PGGT1B: variants seen among roughly 807,000 people sequenced by gnomAD.
PGGT1B encodes protein geranylgeranyltransferase type I subunit beta, also known as geranylgeranyl transferase type-1 subunit beta.
A neutral mutation model predicts 46.1 loss-of-function variants in PGGT1B; 30 were observed. The ratio of observed to expected loss-of-function variants is 0.65; its 90% CI spans 0.49 to 0.88. The LOEUF (loss-of-function observed/expected upper bound fraction) is 0.88, where lower values mean the gene tolerates loss of function less well. Among genes scored for constraint, PGGT1B ranks in the 40% least tolerant of loss-of-function variants. The pLI, the probability that PGGT1B is intolerant of heterozygous loss-of-function variation, is 0.00. For synonymous variants in PGGT1B, 170 were observed against 160.0 expected (o/e 1.06, Z -0.47); for missense variants, 376 against 455.9 (o/e 0.82, Z 1.60).
At chr5:115,224,745 G>A (rs1017341106) in intron 6 of PGGT1B, among the ~76,000 whole-genome samples, 1 of 151,146 alleles carries the variant, frequency 6.6e-6, no homozygotes, top group Non-Finnish European at 1.5e-5. Flanking sequence ...ATGGTGGTGT[G>A]CACCTGTGGT....
chr5:115,214,482 C>G (rs1756347455), intron 8 of PGGT1B, among the ~76,000 whole-genome samples: 1 of 152,140 alleles, frequency 6.6e-6, no homozygotes, highest in African/African-American at 2.4e-5. Context: ...AAATTTGCCA[C>G]TAAATTCACT....
At chr5:115,252,903 G>A in intron 2 of PGGT1B, 1 of 456,532 alleles carries the variant, frequency 2.2e-6, no homozygotes, top group East Asian at 4.5e-5. Context: ...ATAGTATGGT[G>A]CCACAACTGT....
intron 2 of PGGT1B, among the ~76,000 whole-genome samples, chr5:115,247,213 G>T: frequency 6.6e-6 from 1 of 152,102 alleles, no homozygotes; most frequent in African/African-American, 2.4e-5. Flanking sequence ...TTTAAAAAAC[G>T]GTTATAAACT....
intron 4 of PGGT1B, among the ~76,000 whole-genome samples, chr5:115,237,363 T>C (rs1757215647): frequency 6.6e-6 from 1 of 152,160 alleles, no homozygotes; most frequent in Non-Finnish European, 1.5e-5. Flanking sequence ...TCCAGGAAGA[T>C]TCATCTTTAG....
At chr5:115,231,152 T>C in intron 5 of PGGT1B, 131 bp from the exon 6 acceptor site, 1 of 513,064 alleles carries the variant, frequency 1.9e-6, no homozygotes, top group Admixed American at 4.0e-5. Flanking sequence ...TTCCAAAATA[T>C]GCGTTTTTCC....
intron 5 of PGGT1B, among the ~76,000 whole-genome samples, chr5:115,233,831 A>G (rs1757078556): frequency 6.6e-6 from 1 of 152,064 alleles, no homozygotes; most frequent in Non-Finnish European, 1.5e-5. Context: ...GCACTCTCTT[A>G]TATTGGTAGG....
At chr5:115,220,101 G>A (rs1481453277) in intron 7 of PGGT1B, among the ~76,000 whole-genome samples, 2 of 151,596 alleles carry the variant, frequency 1.3e-5, no homozygotes, top group Non-Finnish European at 3.0e-5. Flanking sequence ...TATACATACA[G>A]TACCCCTGAA....
intron 6 of PGGT1B, among the ~76,000 whole-genome samples, chr5:115,226,746 A>G (rs1756797263): frequency 6.6e-6 from 1 of 152,110 alleles, no homozygotes; most frequent in Admixed American, 6.6e-5. Flanking sequence ...CTTACAATCC[A>G]GCAAAGATAA....
intron 6 of PGGT1B, among the ~76,000 whole-genome samples, chr5:115,223,430 G>C (rs1756649713): frequency 6.6e-6 from 1 of 151,846 alleles, no homozygotes; most frequent in Non-Finnish European, 1.5e-5. Context: ...AAGGAGATTA[G>C]ACTAACAGAG....
Position 115,208,091 on chromosome 5 carries a change from T to G in PGGT1B, c.*4311A>C, listed in dbSNP as rs1469141776. 1 of 152,052 alleles carries G rather than the reference T, an allele frequency of 6.6e-6. No homozygotes were observed. The highest frequency in any genetic ancestry group is 2.4e-5 in the African/African-American group (1 of 41,432). 9.4% of individuals were successfully genotyped at this position (152,052 alleles called of 1,614,324 possible). A position where few individuals can be genotyped will look rare whatever the true frequency, so the allele number is the denominator to read the frequency against. ...ACCCAACTTAGTCATGATTACCTTT[T>G]GAAAGTGCTGTTGGATTGTTTGCTA... On this transcript the variant is annotated 3_prime_UTR_variant, in exon 9 of 9. Transcript: ENST00000419445.
At chr5:115,259,715 A>T (rs954818606) in intron 1 of PGGT1B, among the ~76,000 whole-genome samples, 23 of 150,436 alleles carry the variant, frequency 1.5e-4, no homozygotes, top group African/African-American at 5.1e-4. Flanking sequence ...AAAAAAGATA[A>T]GGGAGGAAAC....
At chr5:115,221,358 G>GT (rs1756581510) in intron 7 of PGGT1B, among the ~76,000 whole-genome samples, 1 of 151,874 alleles carries the variant, frequency 6.6e-6, no homozygotes, top group African/African-American at 2.4e-5. Context: ...CAATTGATGA[G>GT]TTTCAGAAGG....
chr5:115,241,991 C>T (rs1481242537), intron 2 of PGGT1B, among the ~76,000 whole-genome samples: 1 of 152,148 alleles, frequency 6.6e-6, no homozygotes, highest in African/African-American at 2.4e-5. Context: ...GTTAATAACA[C>T]AATAGGGTCT....
chr5:115,239,674 A>G (rs7725609), intron 3 of PGGT1B, among the ~76,000 whole-genome samples: 2,043 of 152,334 alleles, frequency 0.013, 47 homozygotes, highest in African/African-American at 0.046. Context: ...ATGGGTTTAA[A>G]TAGGAATTCT....
chr5:115,218,078 T>C (rs1366672835), intron 7 of PGGT1B, among the ~76,000 whole-genome samples: 1 of 151,808 alleles, frequency 6.6e-6, no homozygotes, highest in African/African-American at 2.4e-5. Context: ...TAACCTTATA[T>C]AGCATTGGAA....
chr5:115,219,701 A>C (rs1756529123), intron 7 of PGGT1B, among the ~76,000 whole-genome samples: 1 of 151,894 alleles, frequency 6.6e-6, no homozygotes, highest in African/African-American at 2.4e-5. Flanking sequence ...ATATCTGAGA[A>C]GGGATTAATA....
At chr5:115,214,074 CTACAAAGGG>C (rs1340776726) in intron 8 of PGGT1B, among the ~76,000 whole-genome samples, 1 of 152,056 alleles carries the variant, frequency 6.6e-6, no homozygotes, top group African/African-American at 2.4e-5. Context: ...TATTCTAAAA[CTACAAAGGG>C]TACAAAGCAA....
At chr5:115,237,792 T>G in intron 4 of PGGT1B, 66 bp downstream of exon 4, 1 of 1,343,696 alleles carries the variant, frequency 7.4e-7, no homozygotes, top group Non-Finnish European at 1.0e-6. Context: ...TATAGTACTG[T>G]ATCCATTTTT....
chr5:115,253,058 C>T lies in PGGT1B; in HGVS notation c.259+79G>A, dbSNP rs1748171371. 2.3e-5 allele frequency: 28 copies of T among 1,219,038 alleles called. No individual in the cohort carries two copies. In the South Asian group the frequency reaches 3.4e-4, roughly 15 times the overall value. 75.5% of individuals were successfully genotyped at this position (1,219,038 alleles called of 1,614,324 possible). ...AAAATATGTTAACAGTATACAAGTA[C>T]TAAGATTTTCTAGTCCAACACATGT... is the stretch of plus-strand genomic sequence containing the variant. On this transcript the variant is annotated intron_variant, in intron 2 of 8. Transcript: ENST00000419445.
Sources: allele counts gnomAD v4.1 joint callset (sites outside exome capture counted in the v4.1 genomes callset), GRCh38; gene constraint gnomAD v4.1.1; transcripts MANE v1.5; gene names NCBI Gene and HGNC (gene_info 2026-07-23, HGNC 2026-07-21).